TMBIM6: variants seen among roughly 807,000 people sequenced by gnomAD.
TMBIM6 encodes transmembrane BAX inhibitor motif containing 6, also known as bax inhibitor 1.
A neutral mutation model predicts 31.4 loss-of-function variants in TMBIM6; 13 were observed. The ratio of observed to expected loss-of-function variants is 0.41; its 90% CI spans 0.27 to 0.66. TMBIM6 has a LOEUF of 0.66. Among genes scored for constraint, TMBIM6 ranks in the 30% least tolerant of loss-of-function variants. TMBIM6 has a pLI of 0.28. For synonymous variants in TMBIM6, 85 were observed against 101.7 expected, an observed-to-expected ratio of 0.84 and a Z score of 0.99; for missense variants, 275 against 289.5, an observed-to-expected ratio of 0.95 and a Z score of 0.36.
intron 1 of TMBIM6, among the ~76,000 whole-genome samples, chr12:49,751,199 A>T (rs1290570131): frequency 6.6e-6 from 1 of 152,216 alleles, no homozygotes; most frequent in Non-Finnish European, 1.5e-5. Flanking sequence ...AGTTCAGTTT[A>T]AAAATGCCCT....
chr12:49,746,276 G>A (rs900682618), intron 1 of TMBIM6, among the ~76,000 whole-genome samples: 4 of 151,780 alleles, frequency 2.6e-5, no homozygotes, highest in Non-Finnish European at 4.4e-5. Flanking sequence ...TAGAGATGGG[G>A]TTTCATTGTG....
chr12:49,745,843 A>G (rs1945382192), intron 1 of TMBIM6, among the ~76,000 whole-genome samples: 2 of 152,136 alleles, frequency 1.3e-5, no homozygotes, highest in Non-Finnish European at 2.9e-5. Flanking sequence ...TGCGTTAGAT[A>G]GTTTTGCCCA....
chr12:49,759,827 TG>T (rs1305631075), intron 8 of TMBIM6, among the ~76,000 whole-genome samples: 1 of 129,674 alleles, frequency 7.7e-6, no homozygotes, highest in Non-Finnish European at 1.6e-5. Context: ...AAAAAAAGTG[TG>T]GGGGCCGGGC....
intron 4 of TMBIM6, among the ~76,000 whole-genome samples, chr12:49,755,997 C>T (rs906271967): frequency 6.6e-6 from 1 of 151,950 alleles, no homozygotes; most frequent in Non-Finnish European, 1.5e-5. Flanking sequence ...CCACACCCGG[C>T]TAATATTTTG....
In TMBIM6 at chr12:49,762,541, G is replaced by A. The variant is rs539562166; in HGVS notation, c.691-332G>A. ...GTCTTGGCCTCTAGTTTCACTCTTTGAGGATAGAGTGCCATCTGCAGCCTT... is the reference window on the plus strand; with the variant it reads ...GTCTTGGCCTCTAGTTTCACTCTTTAAGGATAGAGTGCCATCTGCAGCCTT... On this transcript the variant is annotated intron_variant, in intron 9 of 9. Transcript: ENST00000267115. Among the ~76,000 whole-genome samples the A allele has an allele frequency of 2.6e-5, 4 of 152,298 alleles. No homozygotes were observed. In the East Asian group the frequency reaches 5.8e-4, roughly 22 times the overall value.
intron 1 of TMBIM6, among the ~76,000 whole-genome samples, chr12:49,749,174 A>G (rs1239839043): frequency 6.6e-6 from 1 of 152,242 alleles, no homozygotes; most frequent in Non-Finnish European, 1.5e-5. Flanking sequence ...AAAACTTGTC[A>G]GAACAGTTTG....
chr12:49,752,563 C>T lies in TMBIM6; in HGVS notation c.56+14C>T. 2 of 1,600,724 alleles carry T rather than the reference C, an allele frequency of 1.2e-6. No individual in the cohort carries two copies. Among genetic ancestry groups the T allele is most frequent in the South Asian group, 1.1e-5 (1 of 90,532 alleles). ...ATTTTCTCATATGTAAGTGTTTTGACCTTGACTGGTTTTGTACTGCATTTC... is the reference window on the plus strand; with the variant it reads ...ATTTTCTCATATGTAAGTGTTTTGATCTTGACTGGTTTTGTACTGCATTTC... On this transcript the variant is annotated intron_variant, in intron 2 of 9. Coordinates refer to ENST00000267115, the MANE Select transcript of TMBIM6 (RefSeq NM_003217.3).
At chr12:49,741,904 C>G in intron 1 of TMBIM6, 1 of 641,100 alleles carries the variant, frequency 1.6e-6, no homozygotes, top group Non-Finnish European at 2.5e-6. Context: ...GCGAAGGCCC[C>G]TTCTCAGCCC....
chr12:49,750,894 T>G (rs1465965045), intron 1 of TMBIM6, among the ~76,000 whole-genome samples: 2 of 152,222 alleles, frequency 1.3e-5, no homozygotes, highest in Non-Finnish European at 2.9e-5. Context: ...TGAATTGTTC[T>G]GAGTGTTGGG....
chr12:49,745,724 C>CA lies in TMBIM6; in HGVS notation c.-31+4124dup, dbSNP rs761232522. On this transcript the variant is annotated intron_variant, in intron 1 of 9. Coordinates refer to ENST00000267115, the MANE Select transcript of TMBIM6 (RefSeq NM_003217.3). ...TGGGCAACAGAGCGAGACTCTGTCT[C>CA]AAAAAAAAAAACCCAGCACATTTAG... 3.0e-3 allele frequency among the ~76,000 whole-genome samples: 337 copies of CA among 113,946 alleles called. 3 individuals are homozygous for CA. Among genetic ancestry groups the CA allele is most frequent in the South Asian group, 5.6e-3 (23 of 4,074 alleles). 74.8% of individuals were successfully genotyped at this position (113,946 alleles called of 152,430 possible).
intron 4 of TMBIM6, among the ~76,000 whole-genome samples, chr12:49,757,192 A>G (rs1004714448): frequency 6.6e-6 from 1 of 152,278 alleles, no homozygotes; most frequent in East Asian, 1.9e-4. Flanking sequence ...CTAATCTCAT[A>G]TAGGTTCATT....
chr12:49,761,101 G>T (rs1254784152), intron 8 of TMBIM6, among the ~76,000 whole-genome samples: 1 of 152,126 alleles, frequency 6.6e-6, no homozygotes, highest in Non-Finnish European at 1.5e-5. Context: ...CTTCCAAAGT[G>T]CTGGGATTAC....
At chr12:49,757,407 T>C (rs1374372019) in intron 4 of TMBIM6, among the ~76,000 whole-genome samples, 1 of 152,222 alleles carries the variant, frequency 6.6e-6, no homozygotes, top group Non-Finnish European at 1.5e-5. Context: ...TCATAGGAGC[T>C]TCTGTTCTGA....
Position 49,741,622 on chromosome 12 carries a change from A to G in TMBIM6, c.-31+11A>G, listed in dbSNP as rs1045344006. ...AGGCGGGTTAGGAAGGTACGTCTGA[A>G]CCTAGTACTGGGCGAACTGGGAGTG... On this transcript the variant is annotated intron_variant, in intron 1 of 9. Transcript: ENST00000267115. The G allele has an allele frequency of 2.4e-5, 4 of 170,106 alleles. No individual in the cohort carries two copies. Among genetic ancestry groups the G allele is most frequent in the Admixed American group, 2.3e-4 (4 of 17,746 alleles). 10.5% of individuals were successfully genotyped at this position (170,106 alleles called of 1,614,324 possible).
chr12:49,759,093 G>C (rs918422014), intron 7 of TMBIM6, 128 bp from the exon 8 acceptor site: 1 of 794,138 alleles, frequency 1.3e-6, no homozygotes, highest in Non-Finnish European at 2.1e-6. Context: ...TGCAGTTCTC[G>C]TGAATGGTAA....
intron 1 of TMBIM6, 199 bp downstream of exon 1, chr12:49,741,810 C>T: frequency 2.9e-6 from 1 of 343,926 alleles, no homozygotes; most frequent in Admixed American, 4.7e-5. Context: ...GCGTGCGCAA[C>T]AGTGCTGAAG....
chr12:49,753,003 G>T lies in TMBIM6; in HGVS notation c.87G>T (p.Lys29Asn). ...ITPSTQQHLK[K>N]VYASFALCMF... The stretch of plus-strand genomic sequence containing the variant: ...CGTCAACGCAGCAGCACCTGAAGAA[G>T]GTCTATGCAAGTTTTGCCCTTTGTA... The change falls in exon 3 of 10, where the codon AAG becomes AAT. Residue 29 changes from lysine to asparagine, a missense_variant. Coordinates refer to ENST00000267115, the MANE Select transcript of TMBIM6 (RefSeq NM_003217.3). The T allele has an allele frequency of 6.2e-7, 1 of 1,613,986 alleles. No homozygotes were observed. Among genetic ancestry groups the T allele is most frequent in the Non-Finnish European group, 8.5e-7 (1 of 1,179,960 alleles).
chr12:49,741,889 C>T (rs903926173), intron 1 of TMBIM6: 3 of 559,860 alleles, frequency 5.4e-6, no homozygotes, highest in African/African-American at 3.9e-5. Context: ...TGCCCCAGAG[C>T]GCTGGCGAAG....
At chr12:49,749,354 A>T (rs1351708889) in intron 1 of TMBIM6, among the ~76,000 whole-genome samples, 1 of 152,148 alleles carries the variant, frequency 6.6e-6, no homozygotes, top group Non-Finnish European at 1.5e-5. Context: ...GCTCCTCAAG[A>T]CGGGGCTGCA....
Sources: allele counts gnomAD v4.1 joint callset (sites outside exome capture counted in the v4.1 genomes callset), GRCh38; gene constraint gnomAD v4.1.1; transcripts MANE v1.5; gene names NCBI Gene and HGNC (gene_info 2026-07-23, HGNC 2026-07-21).